NEK10: variants seen among roughly 807,000 people sequenced by gnomAD.
NEK10 encodes serine/threonine-protein kinase Nek10.
A neutral mutation model predicts 159.8 loss-of-function variants in NEK10; 122 were observed. The observed-to-expected ratio is 0.76, with a 90% CI of 0.66 to 0.89. NEK10 has a LOEUF of 0.89. Ranked by LOEUF, NEK10 falls within the 40% of genes least tolerant of loss-of-function variation. The probability of loss-of-function intolerance (pLI) is 0.00; values close to 1 mark genes in which losing one functional copy is unlikely to be tolerated. For missense variants in NEK10, 1,342 were observed against 1,323.1 expected (o/e 1.01, Z -0.22); for synonymous variants, 466 against 457.1 (o/e 1.02, Z -0.25).
chr3:27,233,011 T>G (rs1407021964), intron 23 of NEK10, among the ~76,000 whole-genome samples: 1 of 151,886 alleles, frequency 6.6e-6, no homozygotes, highest in Non-Finnish European at 1.5e-5. Context: ...CAAAACCAAA[T>G]GCAACGAAAA....
intron 23 of NEK10, among the ~76,000 whole-genome samples, chr3:27,221,583 G>A (rs1309821759): frequency 6.6e-6 from 1 of 152,220 alleles, no homozygotes; most frequent in South Asian, 2.1e-4. Context: ...TTACCATATT[G>A]AGGAGTATGG....
rs1943802380 is a variant in NEK10 at position 27,141,713 on chromosome 3, C to A, written c.2870-131G>T. On this transcript the variant is annotated intron_variant, in intron 30 of 35. Transcript: ENST00000691995. ...TTATCAATGAGACAATATGCAGAGA[C>A]CCTGTAATACTTCAACATTTTATGA... 10 of 579,618 alleles carry A rather than the reference C, an allele frequency of 1.7e-5. No homozygotes were observed. In the South Asian group the frequency reaches 2.5e-4, roughly 15 times the overall value. The allele number at this position is 579,618 out of a possible 1,614,324, so 35.9% of individuals were successfully genotyped here.
chr3:27,291,319 T>A lies in NEK10; in HGVS notation c.1548A>T (p.Ile516=), dbSNP rs1189374700. The A allele has an allele frequency of 1.2e-6, 2 of 1,613,516 alleles. No homozygotes were observed. The highest frequency in any genetic ancestry group is 1.3e-5 in the African/African-American group (1 of 74,946). Residue 516 remains isoleucine (I), a synonymous_variant, in exon 18 of 36, where the codon ATA becomes ATT. Transcript: ENST00000691995. ...GATGATCCAAAATTGCATAGTTGCC[T>A]ATATATTTCAAAGGAGCTTTGTTCT... The part of the protein sequence containing the change: ...INQNKAPLKY[I]GNYAILDHLG...
chr3:27,118,823 G>T (rs904673275), intron 33 of NEK10, among the ~76,000 whole-genome samples: 1 of 152,104 alleles, frequency 6.6e-6, no homozygotes, highest in Non-Finnish European at 1.5e-5. Flanking sequence ...CATACATAGG[G>T]TTTAGCTTTA....
chr3:27,296,905 C>A (rs2043394416), intron 14 of NEK10, among the ~76,000 whole-genome samples: 1 of 151,994 alleles, frequency 6.6e-6, no homozygotes, highest in Admixed American at 6.6e-5. Flanking sequence ...TTCAGAGTAT[C>A]CCTTTTAGAA....
In NEK10 at chr3:27,123,908, G is replaced by A. The variant is rs538616305; in HGVS notation, c.3082-4040C>T. Among the ~76,000 whole-genome samples, 24 of 152,044 alleles carry A rather than the reference G, an allele frequency of 1.6e-4. No individual in the cohort carries two copies. In the South Asian group the frequency reaches 4.0e-3, roughly 25 times the overall value. On this transcript the variant is annotated intron_variant, in intron 32 of 35. Coordinates refer to ENST00000691995, the MANE Select transcript of NEK10 (RefSeq NM_001394966.1). The stretch of plus-strand genomic sequence containing the variant: ...TTAGAAAAGGCCTGGTGGCTGACGT[G>A]GAGACAGCAAGGGGCAAGAGTGATA...
intron 23 of NEK10, among the ~76,000 whole-genome samples, chr3:27,203,990 G>A (rs1950266841): frequency 6.6e-6 from 1 of 151,922 alleles, no homozygotes; most frequent in South Asian, 2.1e-4. Context: ...TTTATCAACT[G>A]CTCATGTTAA....
chr3:27,297,674 C>G (rs934347200), intron 13 of NEK10, among the ~76,000 whole-genome samples: 1 of 152,200 alleles, frequency 6.6e-6, no homozygotes, highest in African/African-American at 2.4e-5. Flanking sequence ...GTGATTACCA[C>G]TGTTACTGGT....
intron 1 of NEK10, chr3:27,363,773 T>C (rs557721246): frequency 3.9e-5 from 6 of 152,308 alleles, no homozygotes; most frequent in Admixed American, 6.5e-5. Context: ...CACATGTGTA[T>C]TATATGAATG....
At chr3:27,293,752 T>C (rs547815299) in intron 15 of NEK10, 100 bp from the exon 16 acceptor site, 7 of 635,544 alleles carry the variant, frequency 1.1e-5, no homozygotes, top group South Asian at 2.3e-5. Context: ...CGTGACTTTA[T>C]TGTAAGTGGC....
chr3:27,245,394 A>C (rs1446976008), intron 23 of NEK10, among the ~76,000 whole-genome samples: 2 of 152,204 alleles, frequency 1.3e-5, no homozygotes, highest in Non-Finnish European at 2.9e-5. Context: ...AATATGGCAG[A>C]AGGGATGTTT....
At chr3:27,204,454 C>A (rs1387030225) in intron 23 of NEK10, among the ~76,000 whole-genome samples, 1 of 80,600 alleles carries the variant, frequency 1.2e-5, no homozygotes, top group Non-Finnish European at 2.4e-5. Flanking sequence ...TGCTATCCCT[C>A]CCCCCTCCCC....
rs2043829762 is a variant in NEK10, at chr3:27,301,622, T to C, written c.1168+74A>G. 2.6e-5 allele frequency: 32 copies of C among 1,230,094 alleles called. No homozygotes were observed. In the South Asian group the frequency reaches 3.9e-4, roughly 15 times the overall value. The allele number at this position is 1,230,094 out of a possible 1,614,324, so 76.2% of individuals were successfully genotyped here. ...CTAAATTTTGCCTACTTAACACTAC[T>C]ACACTAATCTATGATAGTGAATAAT... On this transcript the variant is annotated intron_variant, in intron 13 of 35. Coordinates refer to ENST00000691995, the MANE Select transcript of NEK10 (RefSeq NM_001394966.1).
At chr3:27,250,088 AG>A (rs1397502998) in intron 23 of NEK10, among the ~76,000 whole-genome samples, 1 of 152,030 alleles carries the variant, frequency 6.6e-6, no homozygotes, top group Non-Finnish European at 1.5e-5. Context: ...AAGTTGTTGT[AG>A]TTATTTTTAT....
At chr3:27,202,280 C>T (rs9818746) in intron 24 of NEK10, 148 bp downstream of exon 24, 6,836 of 547,650 alleles carry the variant, frequency 0.012, 100 homozygotes, top group African/African-American at 0.045. Context: ...TAGAAGAAAG[C>T]GGAAAAAATA....
intron 3 of NEK10, among the ~76,000 whole-genome samples, chr3:27,351,594 G>A (rs2047976136): frequency 6.6e-6 from 1 of 152,086 alleles, no homozygotes; most frequent in Admixed American, 6.6e-5. Flanking sequence ...GCTTTTACAT[G>A]CCATCAAATC....
chr3:27,173,367 A>T (rs757744906), intron 28 of NEK10, among the ~76,000 whole-genome samples: 4 of 152,232 alleles, frequency 2.6e-5, no homozygotes, highest in East Asian at 1.9e-4. Context: ...ATCTCAAAAC[A>T]GTCAGTAATA....
At chr3:27,245,795 G>A (rs1317466302) in intron 23 of NEK10, among the ~76,000 whole-genome samples, 2 of 152,152 alleles carry the variant, frequency 1.3e-5, no homozygotes, top group South Asian at 4.1e-4. Flanking sequence ...AATACATGAG[G>A]AAACTTCTTT....
intron 29 of NEK10, among the ~76,000 whole-genome samples, chr3:27,166,750 A>G (rs940270194): frequency 1.3e-5 from 2 of 152,142 alleles, no homozygotes; most frequent in African/African-American, 4.8e-5. Flanking sequence ...ACCTGAAGTC[A>G]AGAGTTCGAG....
Sources: gnomAD v4.1 joint callset for allele counts (sites outside exome capture counted in the v4.1 genomes callset) on GRCh38, gnomAD v4.1.1 for gene constraint, MANE v1.5 for transcripts, NCBI Gene and HGNC (gene_info 2026-07-23, HGNC 2026-07-21) for gene names.